The following ITFG2 variants were observed in gnomAD, a reference collection of about 807,000 sequenced individuals.
ITFG2 encodes KICSTOR complex protein ITFG2.
ITFG2 carries 36 observed loss-of-function variants against 54.4 expected under a neutral mutation model. The observed-to-expected ratio is 0.66, with a 90% CI of 0.51 to 0.87. ITFG2 has a LOEUF of 0.87. Ranked by LOEUF, ITFG2 falls within the 40% of genes least tolerant of loss-of-function variation. ITFG2 has a pLI of 0.00. For synonymous variants in ITFG2, 211 were observed against 225.4 expected (o/e 0.94, Z 0.57); for missense variants, 524 against 576.7 (o/e 0.91, Z 0.94).
intron 2 of ITFG2, chr12:2,857,366 C>T: frequency 2.6e-6 from 1 of 378,556 alleles, no homozygotes. Context: ...CCCTAATGTT[C>T]AGGGGGCCCT....
At position 2,812,718 on chromosome 12, in the gene ITFG2, A is replaced by C. The variant is rs967157174; in HGVS notation, c.-43A>C. The C allele has an allele frequency of 2.6e-6, 4 of 1,545,518 alleles. No individual in the cohort carries two copies. The highest frequency in any genetic ancestry group is 2.3e-5 in the East Asian group (1 of 43,734). On this transcript the variant is annotated 5_prime_UTR_variant, in exon 1 of 12. Transcript: ENST00000228799. ...GGCTGTCGCGACGGGGGTTCAGGGA[A>C]TATTTACTGGGCCTCTCCGCTCCCT...
chr12:2,839,084 G>T (rs2098034956), intron 1 of ITFG2, among the ~76,000 whole-genome samples: 1 of 151,938 alleles, frequency 6.6e-6, no homozygotes, highest in African/African-American at 2.4e-5. Flanking sequence ...TTGAGGTCAG[G>T]AGTTCGAGAC....
At chr12:2,821,879 C>T (rs2097946112) in intron 9 of ITFG2, 87 bp downstream of exon 9, 2 of 961,658 alleles carry the variant, frequency 2.1e-6, no homozygotes, top group Non-Finnish European at 3.2e-6. Flanking sequence ...ATTCTCACAT[C>T]CCAGGGAACT....
At chr12:2,830,611 C>T in intron 2 of ITFG2, 2 of 1,334,296 alleles carry the variant, frequency 1.5e-6, no homozygotes, top group Non-Finnish European at 2.0e-6. Flanking sequence ...CTTTCTCCCT[C>T]CCTCCCTCTC....
chr12:2,813,815 G>A (rs989982773), intron 1 of ITFG2, among the ~76,000 whole-genome samples: 1 of 151,988 alleles, frequency 6.6e-6, no homozygotes, highest in Non-Finnish European at 1.5e-5. Flanking sequence ...GCCTTTTTTG[G>A]CTCTACCCTC....
At chr12:2,828,301 C>G (rs775667473), downstream of ITFG2, 1 of 1,589,278 alleles carries the variant, frequency 6.3e-7, no homozygotes, top group South Asian at 1.1e-5. Context: ...AAACCCTGTC[C>G]CCCACTTGCT....
At chr12:2,827,392 T>G, downstream of ITFG2, 1 of 1,529,572 alleles carries the variant, frequency 6.5e-7, no homozygotes, top group African/African-American at 1.4e-5. The surrounding 1 kb of genome is among the most constrained non-coding windows in gnomAD (Gnocchi z 4.0). Context: ...TTCCCACAGC[T>G]TCCACCTGCC....
downstream of ITFG2, chr12:2,828,446 G>A: frequency 6.5e-7 from 1 of 1,542,456 alleles, no homozygotes; most frequent in Non-Finnish European, 8.9e-7. Flanking sequence ...GAATCAGTGA[G>A]TCCCTAGGAG....
At chr12:2,827,280 T>A (rs747245249), downstream of ITFG2, 45 of 1,613,868 alleles carry the variant, frequency 2.8e-5, no homozygotes, top group Non-Finnish European at 3.3e-5. This position sits in a 1 kb window ranked among gnomAD's most constrained non-coding sequence, Gnocchi z 4.0. Flanking sequence ...CAGCACTCCG[T>A]GCTCCAGGTC....
At chr12:2,820,900 G>A (rs2097941782) in intron 6 of ITFG2, 28 bp downstream of exon 6, 5 of 1,610,000 alleles carry the variant, frequency 3.1e-6, no homozygotes, top group Non-Finnish European at 3.4e-6. Flanking sequence ...AGTGGATGGT[G>A]TGGGGGTGCA....
intron 2 of ITFG2, among the ~76,000 whole-genome samples, chr12:2,848,639 C>G (rs1316637546): frequency 6.6e-6 from 1 of 152,148 alleles, no homozygotes; most frequent in Non-Finnish European, 1.5e-5. Flanking sequence ...CCTGACCTGA[C>G]CTCTCCTCCT....
At chr12:2,818,549 A>G (rs1051823673) in intron 4 of ITFG2, 15 of 480,732 alleles carry the variant, frequency 3.1e-5, no homozygotes, top group Admixed American at 6.8e-5. Context: ...TGTGATACCA[A>G]CGCTTTGGGA....
upstream of ITFG2, chr12:2,834,885 G>A (rs1603484815): frequency 6.2e-7 from 1 of 1,613,798 alleles, no homozygotes; most frequent in African/African-American, 1.3e-5. Flanking sequence ...GCGTCACCGA[G>A]TCCTCTCTGC....
In ITFG2 at chr12:2,840,884, C is replaced by G. The variant is rs10848711; in HGVS notation, n.189C>G. The G allele has an allele frequency of 3.9e-5, 6 of 152,292 alleles. No homozygotes were observed. The highest frequency in any genetic ancestry group is 7.4e-5 in the Non-Finnish European group (5 of 67,974). The allele number at this position is 152,292 out of a possible 1,614,324, so 9.4% of individuals were successfully genotyped here. On this transcript the variant is annotated non_coding_transcript_exon_variant, in exon 2 of 4. Coordinates refer to the ITFG2 transcript ENST00000537710. ...AGGGTAAGAAGAGAAAGTGGTGGAG[C>G]TGAGCTGGGCAGAGTGGCTCTTTTA...
intron 1 of ITFG2, among the ~76,000 whole-genome samples, chr12:2,838,897 ATG>A (rs2098034515): frequency 6.6e-6 from 1 of 152,146 alleles, no homozygotes; most frequent in African/African-American, 2.4e-5. Context: ...ATAGTGAAGA[ATG>A]TGGGGAGTGT....
intron 1 of ITFG2, 190 bp downstream of exon 1, chr12:2,813,046 G>A (rs1229109727): frequency 5.9e-6 from 3 of 505,818 alleles, no homozygotes; most frequent in Admixed American, 6.5e-5. Flanking sequence ...GGGAGGTTTT[G>A]TTTGTTTTTT....
At chr12:2,840,568 C>T (rs990279643) in intron 1 of ITFG2, among the ~76,000 whole-genome samples, 7 of 151,998 alleles carry the variant, frequency 4.6e-5, no homozygotes, top group Non-Finnish European at 8.8e-5. Flanking sequence ...AGGCAGATCA[C>T]GAGGTCAGGA....
At chr12:2,852,943 T>A (rs1430126412) in intron 2 of ITFG2, among the ~76,000 whole-genome samples, 1 of 151,568 alleles carries the variant, frequency 6.6e-6, no homozygotes, top group Non-Finnish European at 1.5e-5. Context: ...GAGGTTGCAG[T>A]GAGCCAAGAT....
rs529192168 is a variant in ITFG2, at chr12:2,850,387, T to C, written n.301-7625T>C. ...TACTCGGGAGGCTGAGGCAGGAGAATCACTTGAACCCGGGAGGAGGAGGTT... is the reference window on the plus strand; with the variant it reads ...TACTCGGGAGGCTGAGGCAGGAGAACCACTTGAACCCGGGAGGAGGAGGTT... On this transcript the variant is annotated intron_variant and non_coding_transcript_variant, in intron 2 of 3. Transcript: ENST00000537710. 2.0e-5 allele frequency among the ~76,000 whole-genome samples: 3 copies of C among 146,938 alleles called. No individual in the cohort carries two copies. In the East Asian group the frequency reaches 6.2e-4, roughly 30 times the overall value.
Sources: allele counts gnomAD v4.1 joint callset (sites outside exome capture counted in the v4.1 genomes callset), GRCh38; gene constraint gnomAD v4.1.1; non-coding constraint Gnocchi (gnomAD v3.1); transcripts MANE v1.5; gene names NCBI Gene and HGNC (gene_info 2026-07-23, HGNC 2026-07-21).